PDE10A: variants seen among roughly 807,000 people sequenced by gnomAD.
PDE10A encodes cAMP and cAMP-inhibited cGMP 3',5'-cyclic phosphodiesterase 10A.
In PDE10A, 39 loss-of-function variants were observed where a neutral mutation model predicts 97.7. That is an observed-to-expected ratio of 0.40 (90% CI 0.31 to 0.52). The LOEUF (loss-of-function observed/expected upper bound fraction) is 0.52, where lower values mean the gene tolerates loss of function less well. Among genes scored for constraint, PDE10A ranks in the 20% least tolerant of loss-of-function variants. The probability of loss-of-function intolerance (pLI) is 0.56; values close to 1 mark genes in which losing one functional copy is unlikely to be tolerated. For synonymous variants in PDE10A, 371 were observed against 376.8 expected (o/e 0.98, Z 0.18); for missense variants, 731 against 1,047.8 (o/e 0.70, Z 4.17).
At chr6:165,464,185 TACACACAC>T (rs769183918) in intron 3 of PDE10A, among the ~76,000 whole-genome samples, 284 of 152,184 alleles carry the variant, frequency 1.9e-3, no homozygotes, top group Non-Finnish European at 3.4e-3. Context: ...GGCATATACA[TACACACAC>T]ATACACACAC....
At position 165,332,566 on chromosome 6, in the gene PDE10A, A is replaced by G. The variant is rs1781399058; in HGVS notation, c.*459T>C. 6.4e-6 allele frequency: 1 copy of G among 155,672 alleles called. No individual in the cohort carries two copies. The highest frequency in any genetic ancestry group is 2.4e-5 in the African/African-American group (1 of 41,504). 9.6% of individuals were successfully genotyped at this position (155,672 alleles called of 1,614,324 possible). On this transcript the variant is annotated 3_prime_UTR_variant, in exon 22 of 22. Transcript: ENST00000539869. The stretch of plus-strand genomic sequence containing the variant: ...CATACATGAACATTCACCATTCACA[A>G]TAGTAATGTGTAAAAATTCCTATTT...
intron 2 of PDE10A, among the ~76,000 whole-genome samples, chr6:165,492,902 G>A (rs1391133594): frequency 6.6e-6 from 1 of 152,102 alleles, no homozygotes; most frequent in Non-Finnish European, 1.5e-5. Flanking sequence ...AACTGTCACT[G>A]TTTGGTGATG....
At chr6:165,646,189 C>T (rs1292916591) in intron 1 of PDE10A, among the ~76,000 whole-genome samples, 1 of 152,154 alleles carries the variant, frequency 6.6e-6, no homozygotes, top group African/African-American at 2.4e-5. Context: ...ATTTATAGAC[C>T]TTGTCATGAA....
intron 1 of PDE10A, among the ~76,000 whole-genome samples, chr6:165,964,043 G>A (rs990969007): frequency 4.6e-5 from 7 of 152,190 alleles, no homozygotes; most frequent in East Asian, 1.9e-4. Context: ...TGTTTAAAAC[G>A]TACAGATGTA....
At chr6:165,345,752 T>G (rs184193212) in intron 18 of PDE10A, among the ~76,000 whole-genome samples, 3 of 152,258 alleles carry the variant, frequency 2.0e-5, no homozygotes, top group African/African-American at 7.2e-5. Flanking sequence ...AATGCCTGCA[T>G]GTATCTGGCA....
At chr6:165,445,030 T>C (rs1057249009) in intron 5 of PDE10A, among the ~76,000 whole-genome samples, 2 of 152,212 alleles carry the variant, frequency 1.3e-5, no homozygotes, top group Admixed American at 1.3e-4. Context: ...TTTCTTGCTA[T>C]GATTCCAAAT....
intron 1 of PDE10A, among the ~76,000 whole-genome samples, chr6:165,624,887 A>G (rs1264255227): frequency 6.6e-6 from 1 of 152,210 alleles, no homozygotes; most frequent in Non-Finnish European, 1.5e-5. Context: ...GCCACTTCAC[A>G]TGAGTTAGTC....
intron 3 of PDE10A, among the ~76,000 whole-genome samples, chr6:165,457,413 G>A (rs998291319): frequency 1.4e-4 from 21 of 152,094 alleles, no homozygotes; most frequent in African/African-American, 5.1e-4. Flanking sequence ...TCTGTTCCAC[G>A]CTGATTTCAT....
intron 1 of PDE10A, among the ~76,000 whole-genome samples, chr6:165,957,997 G>A (rs565784148): frequency 5.9e-5 from 9 of 152,322 alleles, no homozygotes; most frequent in African/African-American, 1.7e-4. Flanking sequence ...TTGATCTCAA[G>A]CATGATCGTA....
chr6:165,532,859 T>A (rs1284326815), intron 2 of PDE10A, among the ~76,000 whole-genome samples: 1 of 152,128 alleles, frequency 6.6e-6, no homozygotes, highest in Non-Finnish European at 1.5e-5. Flanking sequence ...CCATCCCATT[T>A]AACACTTGCT....
At chr6:165,431,873 A>G (rs918828634) in intron 7 of PDE10A, among the ~76,000 whole-genome samples, 9 of 152,088 alleles carry the variant, frequency 5.9e-5, no homozygotes, top group African/African-American at 2.2e-4. Context: ...TAGCCCAATG[A>G]TTTTCACAAA....
chr6:165,608,591 T>C (rs907663157), intron 1 of PDE10A, among the ~76,000 whole-genome samples: 5 of 152,154 alleles, frequency 3.3e-5, no homozygotes, highest in African/African-American at 7.2e-5. Flanking sequence ...TGTGTCTTTA[T>C]AGCAGCATGA....
At chr6:165,668,503 A>T (rs1333507386) in intron 1 of PDE10A, among the ~76,000 whole-genome samples, 2 of 152,168 alleles carry the variant, frequency 1.3e-5, no homozygotes, top group African/African-American at 4.8e-5. Context: ...AAATTTTGAT[A>T]ACCCAATTTT....
At chr6:165,950,146 G>A (rs948604830) in intron 1 of PDE10A, among the ~76,000 whole-genome samples, 2 of 152,010 alleles carry the variant, frequency 1.3e-5, no homozygotes, top group Non-Finnish European at 1.5e-5. Context: ...TTGAAAATAT[G>A]ACCTATTTCT....
chr6:165,584,113 G>A (rs532677631), intron 1 of PDE10A, among the ~76,000 whole-genome samples: 114 of 152,272 alleles, frequency 7.5e-4, no homozygotes, highest in African/African-American at 2.5e-3. Context: ...GGCCCAAATC[G>A]TCTGTGTGAT....
chr6:165,561,102 C>T (rs1784501191), intron 1 of PDE10A, among the ~76,000 whole-genome samples: 1 of 151,984 alleles, frequency 6.6e-6, no homozygotes, highest in Admixed American at 6.5e-5. Context: ...ACCTGTAGTC[C>T]CAGCTACTCG....
intron 18 of PDE10A, among the ~76,000 whole-genome samples, chr6:165,369,399 T>C (rs1209270762): frequency 1.3e-5 from 2 of 151,684 alleles, no homozygotes; most frequent in Admixed American, 1.3e-4. Context: ...CTGATGGAGC[T>C]GAAAACCAAG....
chr6:165,828,473 C>T (rs6456019), intron 1 of PDE10A, among the ~76,000 whole-genome samples: 152,038 of 152,374 alleles, frequency 1, 75,853 homozygotes, highest in East Asian at 1. Flanking sequence ...ATACATAATA[C>T]AGGTGTACAT....
chr6:165,377,926 G>A (rs1451290945), intron 18 of PDE10A, among the ~76,000 whole-genome samples: 1 of 152,166 alleles, frequency 6.6e-6, no homozygotes, highest in Admixed American at 6.5e-5. Flanking sequence ...CCAGGAAGAG[G>A]CCCTGGCAAT....
Sources: allele counts gnomAD v4.1 joint callset (sites outside exome capture counted in the v4.1 genomes callset), GRCh38; gene constraint gnomAD v4.1.1; transcripts MANE v1.5; gene names NCBI Gene and HGNC (gene_info 2026-07-23, HGNC 2026-07-21).